Variants in HDAC9 observed in about 807,000 individuals in gnomAD.
HDAC9 encodes the protein histone deacetylase 9, also known as MEF-2 interacting transcription repressor (MITR) protein.
A neutral mutation model predicts 139.4 loss-of-function variants in HDAC9; 41 were observed. The ratio of observed to expected loss-of-function variants is 0.29; its 90% CI spans 0.23 to 0.38. HDAC9 has a LOEUF of 0.38. Among genes scored for constraint, HDAC9 ranks in the 10% least tolerant of loss-of-function variants. HDAC9 has a pLI of 1.00. For synonymous variants in HDAC9, 517 were observed against 476.2 expected (o/e 1.09, Z -1.12); for missense variants, 1,147 against 1,297.0 (o/e 0.88, Z 1.78).
At chr7:18,531,769 T>G (rs1809045280) in intron 2 of HDAC9, among the ~76,000 whole-genome samples, 1 of 145,590 alleles carries the variant, frequency 6.9e-6, no homozygotes, top group South Asian at 2.2e-4. Flanking sequence ...ACCCTTAACC[T>G]CCGAGAACCA....
intron 2 of HDAC9, among the ~76,000 whole-genome samples, chr7:18,216,168 T>G (rs1349826808): frequency 6.6e-6 from 1 of 151,332 alleles, no homozygotes; most frequent in Non-Finnish European, 1.5e-5. Flanking sequence ...GTTTGAGAGA[T>G]AGAACAGAGA....
At chr7:18,525,998 G>A (rs1806766692) in intron 2 of HDAC9, among the ~76,000 whole-genome samples, 1 of 151,944 alleles carries the variant, frequency 6.6e-6, no homozygotes, top group African/African-American at 2.4e-5. Flanking sequence ...TTATCTCTTT[G>A]CCTGCTACTC....
chr7:18,614,104 AC>A (rs1034885581), intron 6 of HDAC9, among the ~76,000 whole-genome samples: 4 of 152,056 alleles, frequency 2.6e-5, no homozygotes, highest in Admixed American at 6.6e-5. Context: ...GTAGGGTTTA[AC>A]CCAGCTTTCT....
At chr7:18,973,334 T>G (rs1181829645) in intron 24 of HDAC9, among the ~76,000 whole-genome samples, 2 of 152,182 alleles carry the variant, frequency 1.3e-5, no homozygotes, top group Admixed American at 1.3e-4. Context: ...AAGAAAAGGA[T>G]GTCATAAGGC....
At chr7:18,931,914 T>C (rs1804778374) in intron 22 of HDAC9, among the ~76,000 whole-genome samples, 1 of 152,174 alleles carries the variant, frequency 6.6e-6, no homozygotes, top group African/African-American at 2.4e-5. Flanking sequence ...GATAGTATAA[T>C]GGTGGATGCG....
intron 1 of HDAC9, among the ~76,000 whole-genome samples, chr7:18,470,549 C>T (rs1794644840): frequency 6.6e-6 from 1 of 152,060 alleles, no homozygotes; most frequent in South Asian, 2.1e-4. Flanking sequence ...TCTCTTAAGG[C>T]AGGAGTTGGC....
chr7:18,300,567 A>AT (rs1250360160), intron 1 of HDAC9, among the ~76,000 whole-genome samples: 2 of 152,140 alleles, frequency 1.3e-5, no homozygotes, highest in Non-Finnish European at 2.9e-5. Context: ...TGTAGACATT[A>AT]TTTTTATCAC....
At chr7:18,613,665 T>A (rs28558159) in intron 6 of HDAC9, among the ~76,000 whole-genome samples, 6,887 of 152,266 alleles carry the variant, frequency 0.045, 328 homozygotes, top group African/African-American at 0.12. Context: ...GAGTTTAGAA[T>A]AACTTTTATT....
chr7:18,513,139 G>T (rs561829607), intron 2 of HDAC9, among the ~76,000 whole-genome samples: 1 of 152,152 alleles, frequency 6.6e-6, no homozygotes. Context: ...TTGTTATCCA[G>T]TTATGCAGGT....
chr7:18,322,638 A>G (rs1001350019), intron 1 of HDAC9, among the ~76,000 whole-genome samples: 2 of 152,206 alleles, frequency 1.3e-5, no homozygotes, highest in African/African-American at 4.8e-5. Flanking sequence ...GGTGAGGATC[A>G]TGCTGATTGC....
intron 1 of HDAC9, among the ~76,000 whole-genome samples, chr7:18,326,177 T>C (rs1800430844): frequency 1.3e-5 from 2 of 152,096 alleles, no homozygotes; most frequent in African/African-American, 2.4e-5. Context: ...TTAATAAATG[T>C]AAAGATCTGT....
chr7:18,183,683 C>T (rs937860634), intron 2 of HDAC9, among the ~76,000 whole-genome samples: 1 of 152,104 alleles, frequency 6.6e-6, no homozygotes, highest in African/African-American at 2.4e-5. Context: ...GGGGGTCTCG[C>T]TATGTTGCCT....
intron 14 of HDAC9, among the ~76,000 whole-genome samples, chr7:18,756,296 A>G (rs1186769173): frequency 6.6e-6 from 1 of 152,210 alleles, no homozygotes; most frequent in East Asian, 1.9e-4. Flanking sequence ...CCTGAGAAAC[A>G]AAGATGACAC....
chr7:18,904,489 G>T (rs912188864), intron 22 of HDAC9, among the ~76,000 whole-genome samples: 3 of 150,512 alleles, frequency 2.0e-5, no homozygotes, highest in East Asian at 1.9e-4. Context: ...ATAAAATATT[G>T]CATTGGCTTA....
At chr7:18,173,641 A>G (rs1004479164) in intron 2 of HDAC9, among the ~76,000 whole-genome samples, 4 of 152,174 alleles carry the variant, frequency 2.6e-5, no homozygotes, top group African/African-American at 9.7e-5. Context: ...CTTGTAAGGT[A>G]GGCCAGGTGG....
chr7:18,414,239 A>G (rs1788837803), intron 1 of HDAC9, among the ~76,000 whole-genome samples: 1 of 152,186 alleles, frequency 6.6e-6, no homozygotes, highest in Non-Finnish European at 1.5e-5. Context: ...TAAAGGAAAT[A>G]TCCTACTTTC....
intron 2 of HDAC9, among the ~76,000 whole-genome samples, chr7:18,170,311 G>GT (rs1197044185): frequency 2.0e-5 from 3 of 151,818 alleles, no homozygotes; most frequent in Non-Finnish European, 4.4e-5. Context: ...GGGCTGGGTT[G>GT]TTTTTTTTCT....
chr7:18,706,974 G>A lies in HDAC9; in HGVS notation c.1732-20606G>A, dbSNP rs183609677. ...TCCCCAGACGAGGTTATGGAGGCTG[G>A]GTATGCAGCTTGGGAACCAGCAGCA... On this transcript the variant is annotated intron_variant, in intron 12 of 25. Transcript: ENST00000686413. Among the ~76,000 whole-genome samples, 707 of 152,268 alleles carry A rather than the reference G, an allele frequency of 4.6e-3. 1 individual carries two copies. The highest frequency in any genetic ancestry group is 7.9e-3 in the Non-Finnish European group (537 of 68,014).
At chr7:18,303,666 G>A (rs1798719675) in intron 1 of HDAC9, among the ~76,000 whole-genome samples, 1 of 152,148 alleles carries the variant, frequency 6.6e-6, no homozygotes, top group African/African-American at 2.4e-5. Flanking sequence ...TAAGCACGTG[G>A]CTGGCCAGCT....
Sources: gnomAD v4.1 joint callset for allele counts (sites outside exome capture counted in the v4.1 genomes callset) on GRCh38, gnomAD v4.1.1 for gene constraint, MANE v1.5 for transcripts, NCBI Gene and HGNC (gene_info 2026-07-23, HGNC 2026-07-21) for gene names.